GRM1: variants seen among roughly 807,000 people sequenced by gnomAD.
GRM1 encodes metabotropic glutamate receptor 1.
In GRM1, 33 loss-of-function variants were observed where a neutral mutation model predicts 90.9. That is an observed-to-expected ratio of 0.36 (90% CI 0.28 to 0.49). The LOEUF is 0.49. Among genes scored for constraint, GRM1 ranks in the 20% least tolerant of loss-of-function variants. The pLI is 0.99. For missense variants in GRM1, 1,190 were observed against 1,534.3 expected (o/e 0.78, Z 3.75); for synonymous variants, 700 against 613.2 (o/e 1.14, Z -2.09).
intron 2 of GRM1, among the ~76,000 whole-genome samples, chr6:146,161,742 C>G (rs1777736142): frequency 6.6e-6 from 1 of 152,204 alleles, no homozygotes; most frequent in Non-Finnish European, 1.5e-5. Flanking sequence ...GGGCTACTTT[C>G]CACGAGTGTC....
chr6:146,149,755 T>C (rs1777251923), intron 1 of GRM1, among the ~76,000 whole-genome samples: 1 of 152,160 alleles, frequency 6.6e-6, no homozygotes, highest in Non-Finnish European at 1.5e-5. Flanking sequence ...GCCTCTATGC[T>C]ATTACCTAAA....
At chr6:146,325,253 T>C (rs1010095843) in intron 3 of GRM1, among the ~76,000 whole-genome samples, 1 of 152,196 alleles carries the variant, frequency 6.6e-6, no homozygotes, top group African/African-American at 2.4e-5. Flanking sequence ...GAAAGGAGTT[T>C]ATACATAGTC....
chr6:146,399,652 T>C lies in GRM1; in HGVS notation c.2613T>C (p.Thr871=), dbSNP rs1353347736. 1 of 1,614,070 alleles carries C rather than the reference T, an allele frequency of 6.2e-7. No individual in the cohort carries two copies. The highest frequency in any genetic ancestry group is 1.1e-5 in the South Asian group (1 of 91,076). The part of the protein sequence containing the change: ...GDGKLPCRSN[T]FLNIFRRKKA... ...GCAAGCTGCCCTGCCGCTCCAACAC[T>C]TTCCTCAACATCTTCCGAAGAAAGA... The change falls in exon 7 of 8, where the codon ACT becomes ACC. Residue 871 remains threonine, a synonymous_variant. Transcript: ENST00000282753. This position sits in a 1 kb window ranked among gnomAD's most constrained non-coding sequence, Gnocchi z 5.4.
chr6:146,436,053 G>A lies in GRM1; in HGVS notation c.*1257G>A, dbSNP rs1778584844. On this transcript the variant is annotated 3_prime_UTR_variant, in exon 8 of 8. Transcript: ENST00000282753. ...GTATATGTGCGATCGTAAAATTTGT[G>A]CAATGTAATGTCAAATTGACTGGTC... 1 of 152,588 alleles carries A rather than the reference G, an allele frequency of 6.6e-6. No individual in the cohort carries two copies. The highest frequency in any genetic ancestry group is 2.4e-5 in the African/African-American group (1 of 41,430). 9.5% of individuals were successfully genotyped at this position (152,588 alleles called of 1,614,324 possible).
chr6:146,145,664 T>G (rs2128885716), intron 1 of GRM1, among the ~76,000 whole-genome samples: 1 of 152,118 alleles, frequency 6.6e-6, no homozygotes, highest in Admixed American at 6.5e-5. Flanking sequence ...AAGGCAGGAG[T>G]TAAGGCAGAT....
chr6:146,119,793 G>C (rs1303926368), intron 1 of GRM1, among the ~76,000 whole-genome samples: 1 of 152,050 alleles, frequency 6.6e-6, no homozygotes, highest in Non-Finnish European at 1.5e-5. Flanking sequence ...CTGTTCCATT[G>C]GTCTATGTCT....
At chr6:146,375,476 A>G (rs1178124552) in intron 5 of GRM1, among the ~76,000 whole-genome samples, 1 of 152,006 alleles carries the variant, frequency 6.6e-6, no homozygotes, top group Non-Finnish European at 1.5e-5. Context: ...AGATCTGTCT[A>G]ATGCTGACAG....
intron 7 of GRM1, among the ~76,000 whole-genome samples, chr6:146,415,819 A>G (rs779323110): frequency 6.6e-5 from 10 of 152,238 alleles, no homozygotes; most frequent in Admixed American, 2.0e-4. Context: ...ATTGATCACA[A>G]ATAAGCATTG....
intron 2 of GRM1, among the ~76,000 whole-genome samples, chr6:146,272,499 G>C (rs1362762709): frequency 6.6e-6 from 1 of 152,114 alleles, no homozygotes; most frequent in East Asian, 1.9e-4. Flanking sequence ...GATAAATAGT[G>C]TTTACTGAAT....
At chr6:146,340,780 G>A (rs539143581) in intron 3 of GRM1, among the ~76,000 whole-genome samples, 11 of 152,146 alleles carry the variant, frequency 7.2e-5, no homozygotes, top group East Asian at 5.8e-4. Flanking sequence ...TCCTGACCTC[G>A]TGATCTGCCT....
chr6:146,116,740 G>C (rs149860619), intron 1 of GRM1, among the ~76,000 whole-genome samples: 4 of 152,020 alleles, frequency 2.6e-5, no homozygotes, highest in African/African-American at 9.7e-5. Context: ...GGAGAGATAA[G>C]TCTTTTACAT....
intron 7 of GRM1, among the ~76,000 whole-genome samples, chr6:146,400,414 AT>A (rs1267487036): frequency 6.6e-6 from 1 of 152,188 alleles, no homozygotes; most frequent in Non-Finnish European, 1.5e-5. Flanking sequence ...ATAAAAAAAA[AT>A]AAAAAAAGGG....
At chr6:146,417,727 AT>A (rs1301541701) in intron 7 of GRM1, among the ~76,000 whole-genome samples, 1 of 152,186 alleles carries the variant, frequency 6.6e-6, no homozygotes. Context: ...CTTTATAATT[AT>A]CATTACATCT....
intron 2 of GRM1, among the ~76,000 whole-genome samples, chr6:146,273,044 T>A (rs1379189895): frequency 6.6e-6 from 1 of 152,208 alleles, no homozygotes; most frequent in Non-Finnish European, 1.5e-5. Flanking sequence ...AAAATTGGCC[T>A]AGAGCTCTGT....
At chr6:146,406,898 G>T (rs1777367543) in intron 7 of GRM1, among the ~76,000 whole-genome samples, 1 of 151,976 alleles carries the variant, frequency 6.6e-6, no homozygotes, top group Non-Finnish European at 1.5e-5. Context: ...AAGAAAGAAG[G>T]GTATTGTGTA....
At chr6:146,226,740 A>G (rs1220103333) in intron 2 of GRM1, among the ~76,000 whole-genome samples, 1 of 152,158 alleles carries the variant, frequency 6.6e-6, no homozygotes, top group Non-Finnish European at 1.5e-5. Context: ...TTTCTTCTAC[A>G]GTCATTGTTA....
intron 1 of GRM1, among the ~76,000 whole-genome samples, chr6:146,122,057 G>T (rs1309017678): frequency 6.6e-6 from 1 of 152,100 alleles, no homozygotes; most frequent in Non-Finnish European, 1.5e-5. Flanking sequence ...TTATTATTGT[G>T]TGGGAGTCTA....
chr6:146,288,971 C>A (rs904121773), intron 2 of GRM1, among the ~76,000 whole-genome samples: 2 of 152,146 alleles, frequency 1.3e-5, no homozygotes, highest in Admixed American at 6.5e-5. Context: ...AAACCTACTG[C>A]ACTGTCAATT....
rs536066215 is a variant in GRM1, at chr6:146,031,699, G to C, written c.700+1482G>C. On this transcript the variant is annotated intron_variant, in intron 1 of 7. Coordinates refer to ENST00000282753, the MANE Select transcript of GRM1 (RefSeq NM_001278064.2). The stretch of plus-strand genomic sequence containing the variant: ...ATTCATTACTTTTTTAAGACTCAAA[G>C]TATTAATTCCTTATATTTTAATATT... Among the ~76,000 whole-genome samples, 6 of 152,148 alleles carry C rather than the reference G, an allele frequency of 3.9e-5. No individual in the cohort carries two copies. The East Asian group carries it at 1.2e-3, about 29-fold the overall frequency.
Sources: gnomAD v4.1 joint callset for allele counts (sites outside exome capture counted in the v4.1 genomes callset) on GRCh38, gnomAD v4.1.1 for gene constraint, Gnocchi (gnomAD v3.1) non-coding constraint, MANE v1.5 for transcripts, NCBI Gene and HGNC (gene_info 2026-07-23, HGNC 2026-07-21) for gene names.